The following VPS8 variants were observed in gnomAD, a reference collection of about 807,000 sequenced individuals.
VPS8 encodes vacuolar protein sorting-associated protein 8 homolog.
VPS8 carries 129 observed loss-of-function variants against 216.4 expected under a neutral mutation model. The ratio of observed to expected loss-of-function variants is 0.60; its 90% CI spans 0.52 to 0.69. The LOEUF is 0.69. Ranked by LOEUF, VPS8 falls within the 30% of genes least tolerant of loss-of-function variation. The pLI is 0.00. For synonymous variants in VPS8, 571 were observed against 565.4 expected (o/e 1.01, Z -0.14); for missense variants, 1,531 against 1,683.5 (o/e 0.91, Z 1.59).
chr3:184,895,401 T>A (rs1733194498), intron 23 of VPS8, among the ~76,000 whole-genome samples: 1 of 151,968 alleles, frequency 6.6e-6, no homozygotes, highest in Non-Finnish European at 1.5e-5. Flanking sequence ...CAGAGCATGG[T>A]ATATAACAGG....
chr3:185,013,612 T>A (rs1178924385), intron 45 of VPS8, among the ~76,000 whole-genome samples: 1 of 152,248 alleles, frequency 6.6e-6, no homozygotes, highest in Admixed American at 6.5e-5. Flanking sequence ...GATGCTTTTT[T>A]ATTCTTTCCT....
At chr3:185,017,481 G>A (rs980506028) in intron 45 of VPS8, among the ~76,000 whole-genome samples, 10 of 152,032 alleles carry the variant, frequency 6.6e-5, no homozygotes, top group Admixed American at 4.6e-4. Context: ...TTCCACATAC[G>A]GCACAATCAG....
chr3:184,924,982 G>T lies in VPS8; in HGVS notation c.2574+1G>T, dbSNP rs749182027. 25 of 1,612,982 alleles carry T rather than the reference G, an allele frequency of 1.5e-5. No homozygotes were observed. The highest frequency in any genetic ancestry group is 1.9e-5 in the Non-Finnish European group (22 of 1,179,524). On this transcript the variant is annotated splice_donor_variant, in intron 30 of 47. Transcript: ENST00000625842. LOFTEE classifies it high-confidence loss of function. Reference sequence around the variant, plus strand: ...TGTAAACAGAACACTTTTTGATCAGGTAAGTGTCTAGCAGTGAAAACTAAA... The same window carrying T: ...TGTAAACAGAACACTTTTTGATCAGTTAAGTGTCTAGCAGTGAAAACTAAA...
At chr3:184,891,655 C>T (rs1223153250) in intron 22 of VPS8, among the ~76,000 whole-genome samples, 1 of 152,076 alleles carries the variant, frequency 6.6e-6, no homozygotes, top group Non-Finnish European at 1.5e-5. Context: ...AACTGTGGTA[C>T]TTGTATCAAA....
chr3:185,044,791 T>A (rs1446121487), intron 46 of VPS8, among the ~76,000 whole-genome samples: 1 of 152,204 alleles, frequency 6.6e-6, no homozygotes, highest in Non-Finnish European at 1.5e-5. Context: ...GTTGTAGTAT[T>A]TCATTACCTA....
At chr3:184,956,758 T>C (rs1576977642) in intron 36 of VPS8, among the ~76,000 whole-genome samples, 2 of 152,102 alleles carry the variant, frequency 1.3e-5, no homozygotes, top group Non-Finnish European at 2.9e-5. Flanking sequence ...GAGTAGCTGG[T>C]GTACTAGGCA....
Position 184,920,136 on chromosome 3 carries a change from G to C in VPS8, c.2392G>C (p.Asp798His). 6 of 1,521,714 alleles carry C rather than the reference G, an allele frequency of 3.9e-6. No individual in the cohort carries two copies. Among genetic ancestry groups the C allele is most frequent in the Non-Finnish European group, 5.3e-6 (6 of 1,136,658 alleles). 94.3% of individuals were successfully genotyped at this position (1,521,714 alleles called of 1,614,324 possible). ...FLNVLALTFE[D>H]FKNDKQAVEY... ...TATTTCTCCCTTTTAGACTTTTGAA[G>C]ATTTTAAAAATGACAAGCAAGCTGT... Residue 798 changes from aspartate (D) to histidine (H), a missense_variant, in exon 29 of 48, where the codon GAT becomes CAT. This residue lies in a region of VPS8 where 1,318 missense variants were observed against 1,468.4 expected (regional missense o/e 0.90). Coordinates refer to ENST00000625842, the MANE Select transcript of VPS8 (RefSeq NM_001009921.3).
At chr3:185,010,810 G>A (rs536162687) in intron 45 of VPS8, among the ~76,000 whole-genome samples, 96 of 152,144 alleles carry the variant, frequency 6.3e-4, no homozygotes, top group Non-Finnish European at 9.3e-4. Context: ...TAGACCAGTT[G>A]GGACAACATG....
intron 5 of VPS8, chr3:184,836,235 T>G (rs1158995801): frequency 8.8e-6 from 4 of 456,094 alleles, no homozygotes; most frequent in East Asian, 6.9e-5. Context: ...GCAATTGTTC[T>G]TCCTCTTTTA....
chr3:185,003,114 AT>A (rs1404041639), intron 45 of VPS8, among the ~76,000 whole-genome samples: 1 of 136,202 alleles, frequency 7.3e-6, no homozygotes, highest in East Asian at 2.1e-4. Context: ...AACATCTAAT[AT>A]TTTTTTATTT....
At chr3:184,937,509 T>G (rs1741852731) in intron 35 of VPS8, among the ~76,000 whole-genome samples, 1 of 152,234 alleles carries the variant, frequency 6.6e-6, no homozygotes, top group South Asian at 2.1e-4. Context: ...TCTTAAATTT[T>G]TCCTCTAGAA....
At chr3:184,992,687 A>C (rs1469978307) in intron 42 of VPS8, among the ~76,000 whole-genome samples, 1 of 152,126 alleles carries the variant, frequency 6.6e-6, no homozygotes, top group Admixed American at 6.6e-5. Context: ...CCTATTTGGC[A>C]TGGAAAAGAG....
intron 10 of VPS8, among the ~76,000 whole-genome samples, chr3:184,852,224 G>C (rs1215042802): frequency 6.6e-6 from 1 of 152,054 alleles, no homozygotes; most frequent in African/African-American, 2.4e-5. Context: ...AGAACTTTAG[G>C]GTTTTTAATC....
intron 42 of VPS8, among the ~76,000 whole-genome samples, chr3:184,983,483 T>C (rs1750548431): frequency 6.6e-6 from 1 of 152,214 alleles, no homozygotes; most frequent in African/African-American, 2.4e-5. Context: ...TTGGTTGTTA[T>C]TTAGGCTTTC....
chr3:184,996,327 C>T lies in VPS8; in HGVS notation c.3667-5C>T, dbSNP rs2109870217. 1.2e-6 allele frequency: 2 copies of T among 1,607,280 alleles called. No homozygotes were observed. Among genetic ancestry groups the T allele is most frequent in the East Asian group, 2.2e-5 (1 of 44,830 alleles). ...TTGTTTGTTTTTTGTTTTGGTGTTT[C>T]ATAGACCCTGCTGGAAACAACAACC... is the stretch of plus-strand genomic sequence containing the variant. On this transcript the variant is annotated splice_polypyrimidine_tract_variant and splice_region_variant and intron_variant, in intron 43 of 47. Transcript: ENST00000625842.
At chr3:185,048,379 A>G (rs1713416797) in intron 46 of VPS8, 100 bp from the exon 47 acceptor site, 4 of 1,152,262 alleles carry the variant, frequency 3.5e-6, no homozygotes, top group Admixed American at 1.9e-5. Flanking sequence ...TTTCAGGAGA[A>G]TGAAGGAAGC....
intron 31 of VPS8, among the ~76,000 whole-genome samples, chr3:184,927,795 G>A (rs1739938136): frequency 6.6e-6 from 1 of 152,010 alleles, no homozygotes; most frequent in African/African-American, 2.4e-5. Flanking sequence ...TACTACCTTA[G>A]GTCCCTCACG....
At chr3:184,933,574 C>T (rs1220715663) in intron 34 of VPS8, among the ~76,000 whole-genome samples, 2 of 151,488 alleles carry the variant, frequency 1.3e-5, no homozygotes, top group Non-Finnish European at 2.9e-5. Context: ...ATAATCATTT[C>T]CCCCCCTCTT....
chr3:184,864,638 C>G (rs1726995837), intron 16 of VPS8, among the ~76,000 whole-genome samples: 1 of 152,174 alleles, frequency 6.6e-6, no homozygotes, highest in African/African-American at 2.4e-5. Context: ...CATCTTGCCT[C>G]ATTAGGACTA....
Sources: gnomAD v4.1 joint callset for allele counts (sites outside exome capture counted in the v4.1 genomes callset) on GRCh38, gnomAD v4.1.1 for gene constraint, gnomAD v4.1.1 regional missense constraint, MANE v1.5 for transcripts, NCBI Gene and HGNC (gene_info 2026-07-23, HGNC 2026-07-21) for gene names.